PRKD1: variants seen among roughly 807,000 people sequenced by gnomAD.
PRKD1 encodes protein kinase D1.
A neutral mutation model predicts 95.9 loss-of-function variants in PRKD1; 63 were observed. The observed-to-expected ratio is 0.66, with a 90% CI of 0.54 to 0.81. PRKD1 has a LOEUF of 0.81. Ranked by LOEUF, PRKD1 falls within the 30% of genes least tolerant of loss-of-function variation. The pLI is 0.00. For synonymous variants in PRKD1, 425 were observed against 423.1 expected (o/e 1.00, Z -0.05); for missense variants, 1,048 against 1,165.3 (o/e 0.90, Z 1.47).
intron 1 of PRKD1, among the ~76,000 whole-genome samples, chr14:29,760,031 T>A (rs45478596): frequency 6.6e-6 from 1 of 152,184 alleles, no homozygotes; most frequent in Non-Finnish European, 1.5e-5. Flanking sequence ...GAGCTCCCCA[T>A]AGTTATTAAA....
At chr14:29,728,330 A>C (rs115197462) in intron 1 of PRKD1, among the ~76,000 whole-genome samples, 2,586 of 152,314 alleles carry the variant, frequency 0.017, 76 homozygotes, top group African/African-American at 0.06. Flanking sequence ...ATAAGTGGAT[A>C]AATCTATGAG....
intron 1 of PRKD1, among the ~76,000 whole-genome samples, chr14:29,871,061 C>G (rs1246223895): frequency 6.6e-6 from 1 of 152,198 alleles, no homozygotes; most frequent in Non-Finnish European, 1.5e-5. Flanking sequence ...GCTCTTGCCA[C>G]ATGAATCGCT....
intron 2 of PRKD1, among the ~76,000 whole-genome samples, chr14:29,702,519 A>C (rs949720489): frequency 3.1e-4 from 47 of 152,140 alleles, no homozygotes; most frequent in African/African-American, 9.4e-4. Context: ...AAATAGATGC[A>C]AAATTTTCCA....
intron 13 of PRKD1, among the ~76,000 whole-genome samples, chr14:29,619,741 C>T (rs1879119557): frequency 1.3e-5 from 2 of 152,126 alleles, no homozygotes; most frequent in Admixed American, 1.3e-4. Flanking sequence ...TGAGCAAGGA[C>T]TCAAAGTAGG....
At chr14:29,799,009 G>A (rs1034583307) in intron 1 of PRKD1, among the ~76,000 whole-genome samples, 2 of 152,130 alleles carry the variant, frequency 1.3e-5, no homozygotes, top group African/African-American at 4.8e-5. Flanking sequence ...GTACCTCCAC[G>A]ATTTGGCAGC....
At chr14:29,923,227 CA>C (rs33966435) in intron 1 of PRKD1, among the ~76,000 whole-genome samples, 4,560 of 88,720 alleles carry the variant, frequency 0.051, 140 homozygotes, top group African/African-American at 0.1. Flanking sequence ...GAGATTCTGT[CA>C]AAAAAAAAAA....
Position 29,597,614 on chromosome 14 carries a change from C to T in PRKD1, c.2311G>A (p.Val771Ile), listed in dbSNP as rs1330012417. The change falls in exon 16 of 18, where the codon GTC (valine) becomes ATC (isoleucine). Residue 771 changes from valine to isoleucine, a missense_variant. Val to Ile is a conservative substitution (Grantham distance 29). Around this residue, in one of 3 missense-constraint regions of PRKD1, gnomAD observed 739 missense variants for 861.9 expected, o/e 0.86. Coordinates refer to ENST00000331968, the MANE Select transcript of PRKD1 (RefSeq NM_002742.3). ...NRSLDMWSVG[V>I]IIYVSLSGTF... Reference sequence around the variant, plus strand: ...CCGCTTAGGCTTACATAGATGATGACCCCAACAGACCACATGTCTAGAGAG... The same window carrying T: ...CCGCTTAGGCTTACATAGATGATGATCCCAACAGACCACATGTCTAGAGAG... 1.2e-6 allele frequency: 2 copies of T among 1,614,020 alleles called. No individual in the cohort carries two copies. The highest frequency in any genetic ancestry group is 1.7e-6 in the Non-Finnish European group (2 of 1,179,996).
intron 2 of PRKD1, among the ~76,000 whole-genome samples, chr14:29,674,954 A>G (rs769770477): frequency 1.2e-4 from 18 of 152,236 alleles, no homozygotes; most frequent in Non-Finnish European, 1.8e-4. Context: ...CTTACTTTCG[A>G]TTCATGAACA....
intron 4 of PRKD1, among the ~76,000 whole-genome samples, chr14:29,659,506 A>T (rs968016352): frequency 2.0e-5 from 3 of 152,178 alleles, no homozygotes; most frequent in Non-Finnish European, 2.9e-5. Flanking sequence ...GATGTGTCAC[A>T]CCATATGCAT....
intron 1 of PRKD1, among the ~76,000 whole-genome samples, chr14:29,728,409 A>G (rs377356092): frequency 1.2e-4 from 19 of 152,290 alleles, no homozygotes; most frequent in African/African-American, 4.3e-4. Flanking sequence ...CATCAACCCC[A>G]AAAGTTTTAT....
chr14:29,577,568 C>G, intron 17 of PRKD1, 112 bp from the exon 18 acceptor site: 1 of 1,022,140 alleles, frequency 9.8e-7, no homozygotes, highest in Non-Finnish European at 1.5e-6. Context: ...TCCACTCTAA[C>G]AGCGCTGAAT....
At chr14:29,753,533 C>A in intron 1 of PRKD1, among the ~76,000 whole-genome samples, 1 of 152,086 alleles carries the variant, frequency 6.6e-6, no homozygotes, top group East Asian at 1.9e-4. Flanking sequence ...AGACAGAACT[C>A]ATTCCCCTTT....
chr14:29,854,287 T>C (rs1195212321), intron 1 of PRKD1, among the ~76,000 whole-genome samples: 1 of 152,184 alleles, frequency 6.6e-6, no homozygotes, highest in Non-Finnish European at 1.5e-5. Context: ...ACCAAAAGCC[T>C]GATAGTGATA....
intron 1 of PRKD1, among the ~76,000 whole-genome samples, chr14:29,744,202 T>A (rs1887110260): frequency 6.6e-6 from 1 of 152,240 alleles, no homozygotes; most frequent in South Asian, 2.1e-4. Context: ...GTATCACATA[T>A]TAACATGTTC....
At chr14:29,763,440 G>T (rs1432553655) in intron 1 of PRKD1, among the ~76,000 whole-genome samples, 9 of 92,488 alleles carry the variant, frequency 9.7e-5, no homozygotes, top group Non-Finnish European at 2.0e-4. Context: ...GGGGAGGGAG[G>T]GGGGAGGGGA....
chr14:29,887,059 A>T (rs1893733991), intron 1 of PRKD1, among the ~76,000 whole-genome samples: 2 of 152,206 alleles, frequency 1.3e-5, no homozygotes, highest in Non-Finnish European at 2.9e-5. Flanking sequence ...TTTTTCCAGC[A>T]ATGATGCACC....
At chr14:29,829,938 T>C (rs2139292430) in intron 1 of PRKD1, among the ~76,000 whole-genome samples, 1 of 152,304 alleles carries the variant, frequency 6.6e-6, no homozygotes, top group South Asian at 2.1e-4. Context: ...GCTTTTGTAA[T>C]AAAAAAATAT....
chr14:29,584,796 T>C (rs1250913070), intron 16 of PRKD1, among the ~76,000 whole-genome samples: 1 of 152,202 alleles, frequency 6.6e-6, no homozygotes, highest in Admixed American at 6.5e-5. Flanking sequence ...GTGACTTCTT[T>C]TAGAAAATCA....
chr14:29,660,411 G>A (rs979648935), intron 4 of PRKD1, among the ~76,000 whole-genome samples: 1 of 152,090 alleles, frequency 6.6e-6, no homozygotes, highest in African/African-American at 2.4e-5. Context: ...TGACATTTTG[G>A]GTTGGATACT....
Sources: allele counts gnomAD v4.1 joint callset (sites outside exome capture counted in the v4.1 genomes callset), GRCh38; gene constraint gnomAD v4.1.1; regional missense constraint gnomAD v4.1.1; transcripts MANE v1.5; gene names NCBI Gene and HGNC (gene_info 2026-07-23, HGNC 2026-07-21).